The following CADM2 variants were observed in gnomAD, a reference collection of about 807,000 sequenced individuals.
The protein encoded by CADM2 is immunoglobulin superfamily member 4D.
CADM2 carries 12 observed loss-of-function variants against 49.8 expected under a neutral mutation model. That is an observed-to-expected ratio of 0.24 (90% CI 0.15 to 0.39). The LOEUF (loss-of-function observed/expected upper bound fraction) is 0.39. Ranked by LOEUF, CADM2 falls within the 10% of genes least tolerant of loss-of-function variation. The pLI is 1.00. For synonymous variants in CADM2, 214 were observed against 175.4 expected (o/e 1.22, Z -1.74); for missense variants, 378 against 492.3 (o/e 0.77, Z 2.20).
At chr3:85,393,961 C>T (rs2034643903) in intron 1 of CADM2, among the ~76,000 whole-genome samples, 1 of 152,030 alleles carries the variant, frequency 6.6e-6, no homozygotes, top group African/African-American at 2.4e-5. Flanking sequence ...CGCCCGTCAC[C>T]ACGCCTCGCT....
rs533188935 is a variant in CADM2 at position 85,743,087 on chromosome 3, C to G, written c.88+16539C>G. ...ATAATAAAAGCCCCTGAAGCTGCAT[C>G]CCTGTTCCCAGTGGTTTCCCACTGA... On this transcript the variant is annotated intron_variant, in intron 2 of 9. Coordinates refer to ENST00000383699, the MANE Select transcript of CADM2 (RefSeq NM_001167675.2). 2.0e-3 allele frequency among the ~76,000 whole-genome samples: 312 copies of G among 152,236 alleles called. 1 individual carries two copies. Among genetic ancestry groups the G allele is most frequent in the Admixed American group, 4.4e-3 (67 of 15,286 alleles).
chr3:85,671,296 A>G (rs1365594717), intron 1 of CADM2, among the ~76,000 whole-genome samples: 1 of 152,188 alleles, frequency 6.6e-6, no homozygotes, highest in Non-Finnish European at 1.5e-5. Flanking sequence ...CTTGTTTTCA[A>G]AGCTTGTGTA....
At chr3:85,212,878 C>CTTTCTT (rs2041827928) in intron 1 of CADM2, among the ~76,000 whole-genome samples, 1 of 119,460 alleles carries the variant, frequency 8.4e-6, no homozygotes, top group South Asian at 2.5e-4. Flanking sequence ...TTCTTTCTTT[C>CTTTCTT]TTTCTTTCTC....
At chr3:85,741,000 A>G (rs2068360136) in intron 2 of CADM2, among the ~76,000 whole-genome samples, 2 of 152,180 alleles carry the variant, frequency 1.3e-5, no homozygotes, top group African/African-American at 4.8e-5. Flanking sequence ...TTCTTTCTCC[A>G]AATGAACAGG....
intron 1 of CADM2, among the ~76,000 whole-genome samples, chr3:85,189,183 A>C (rs574230949): frequency 5.9e-5 from 9 of 152,178 alleles, no homozygotes; most frequent in Non-Finnish European, 7.4e-5. Flanking sequence ...ATCACAATTT[A>C]AAGAATTAGC....
chr3:85,351,418 A>G (rs994664461), intron 1 of CADM2, among the ~76,000 whole-genome samples: 2 of 152,198 alleles, frequency 1.3e-5, no homozygotes, highest in African/African-American at 2.4e-5. Flanking sequence ...GCTTCTTCAG[A>G]ATGTTAAATG....
chr3:85,401,916 G>T (rs965779540), intron 1 of CADM2, among the ~76,000 whole-genome samples: 2 of 152,096 alleles, frequency 1.3e-5, no homozygotes, highest in African/African-American at 4.8e-5. Context: ...CTATTTAAGA[G>T]ATATTTGGAT....
At chr3:85,012,149 G>C (rs1318487198) in intron 1 of CADM2, among the ~76,000 whole-genome samples, 1 of 148,486 alleles carries the variant, frequency 6.7e-6, no homozygotes, top group Non-Finnish European at 1.5e-5. Context: ...GGGTAGTTTT[G>C]ATGAAAAAAA....
At chr3:85,105,161 C>T (rs1439290301) in intron 1 of CADM2, among the ~76,000 whole-genome samples, 1 of 151,966 alleles carries the variant, frequency 6.6e-6, no homozygotes, top group African/African-American at 2.4e-5. Context: ...AACAGGCAAC[C>T]TACAAAATGG....
At chr3:86,062,027 A>C (rs968500771) in intron 8 of CADM2, among the ~76,000 whole-genome samples, 2 of 151,946 alleles carry the variant, frequency 1.3e-5, no homozygotes, top group Non-Finnish European at 2.9e-5. Context: ...GGCAATGTAC[A>C]TTGACAATAT....
chr3:85,488,519 A>C (rs886619117), intron 1 of CADM2, among the ~76,000 whole-genome samples: 5 of 151,502 alleles, frequency 3.3e-5, no homozygotes, highest in African/African-American at 9.7e-5. Flanking sequence ...TTATTTATTT[A>C]TTTTTGTTTT....
At chr3:85,794,252 G>A (rs980583343) in intron 2 of CADM2, among the ~76,000 whole-genome samples, 1 of 152,128 alleles carries the variant, frequency 6.6e-6, no homozygotes, top group Non-Finnish European at 1.5e-5. Flanking sequence ...TCTTGACCAT[G>A]AACAAATGCA....
intron 1 of CADM2, among the ~76,000 whole-genome samples, chr3:85,529,437 C>G (rs1378528479): frequency 2.0e-5 from 3 of 152,180 alleles, no homozygotes; most frequent in Non-Finnish European, 4.4e-5. Context: ...CCATTGATTG[C>G]TTCTGCCAAT....
chr3:85,015,090 T>C (rs1258348836), intron 1 of CADM2, among the ~76,000 whole-genome samples: 1 of 152,162 alleles, frequency 6.6e-6, no homozygotes, highest in African/African-American at 2.4e-5. Context: ...GTACATAGTA[T>C]ACATACACGT....
rs139257494 is a variant in CADM2 at position 85,431,860 on chromosome 3, C to CATATGTATATATATATATATATAT, written c.62-294658_62-294657insGTATATATATATATATATATATAT. ...AACACCATGGTCTTATGCTTAATTG[C>CATATGTATATATATATATATATAT]ATATATATATATGCCATGCTCTTTC... On this transcript the variant is annotated intron_variant, in intron 1 of 9. Coordinates refer to ENST00000383699, the MANE Select transcript of CADM2 (RefSeq NM_001167675.2). Among the ~76,000 whole-genome samples, 42 of 51,854 alleles carry CATATGTATATATATATATATATAT rather than the reference C, an allele frequency of 8.1e-4. 11 individuals are homozygous for CATATGTATATATATATATATATAT. The highest frequency in any genetic ancestry group is 1.7e-3 in the East Asian group (3 of 1,772). 34.0% of individuals were successfully genotyped at this position (51,854 alleles called of 152,430 possible). A position where few individuals can be genotyped will look rare whatever the true frequency, so the allele number is the denominator to read the frequency against.
chr3:85,101,722 C>A (rs78380787), intron 1 of CADM2, among the ~76,000 whole-genome samples: 2,392 of 152,208 alleles, frequency 0.016, 27 homozygotes, highest in Middle Eastern at 0.024. Flanking sequence ...TTAATGAACA[C>A]TATAATTTGG....
At chr3:85,016,264 T>C (rs2034243643) in intron 1 of CADM2, among the ~76,000 whole-genome samples, 1 of 152,064 alleles carries the variant, frequency 6.6e-6, no homozygotes, top group Non-Finnish European at 1.5e-5. Flanking sequence ...AAGAAACATG[T>C]AGAGGCACTA....
At chr3:85,356,822 T>C (rs1443445365) in intron 1 of CADM2, among the ~76,000 whole-genome samples, 1 of 152,154 alleles carries the variant, frequency 6.6e-6, no homozygotes, top group Non-Finnish European at 1.5e-5. Flanking sequence ...CTGGAAGTTT[T>C]TATTTATAAA....
At chr3:85,303,038 A>T (rs757823309) in intron 1 of CADM2, among the ~76,000 whole-genome samples, 1 of 151,944 alleles carries the variant, frequency 6.6e-6, no homozygotes. Context: ...TACACAGTTC[A>T]TGTAATTAAT....
Sources: gnomAD v4.1 joint callset for allele counts (sites outside exome capture counted in the v4.1 genomes callset) on GRCh38, gnomAD v4.1.1 for gene constraint, MANE v1.5 for transcripts, NCBI Gene and HGNC (gene_info 2026-07-23, HGNC 2026-07-21) for gene names.